The following CNTN5 variants were observed in gnomAD, a reference collection of about 807,000 sequenced individuals.
CNTN5 encodes contactin 5, also known as contactin-5.
Under a neutral mutation model 129.1 loss-of-function variants are expected in CNTN5, and 77 were observed. That is an observed-to-expected ratio of 0.60 (90% confidence interval 0.50 to 0.72). CNTN5 has a LOEUF of 0.72. CNTN5 is among the 30% of genes least tolerant of loss of function. The pLI is 0.00. For synonymous variants in CNTN5, 509 were observed against 465.6 expected, an observed-to-expected ratio of 1.09 and a Z score of -1.20; for missense variants, 1,478 against 1,328.8, an observed-to-expected ratio of 1.11 and a Z score of -1.75.
intron 7 of CNTN5, among the ~76,000 whole-genome samples, chr11:99,932,302 C>T (rs1055767742): frequency 6.6e-6 from 1 of 152,104 alleles, no homozygotes; most frequent in African/African-American, 2.4e-5. Context: ...CAGCAATTCT[C>T]CTGCCTCAGC....
intron 1 of CNTN5, among the ~76,000 whole-genome samples, chr11:99,087,304 G>T (rs1184627847): frequency 1.3e-5 from 2 of 152,004 alleles, no homozygotes; most frequent in Non-Finnish European, 1.5e-5. Flanking sequence ...GGTAGCACAT[G>T]GTTCAAAAGT....
chr11:99,109,533 T>C (rs562368310), intron 1 of CNTN5, among the ~76,000 whole-genome samples: 3 of 152,128 alleles, frequency 2.0e-5, no homozygotes, highest in African/African-American at 7.2e-5. Flanking sequence ...TTAAACCAGA[T>C]AAGCCATTAT....
chr11:100,051,303 A>G (rs971308905), intron 9 of CNTN5, among the ~76,000 whole-genome samples: 3 of 152,094 alleles, frequency 2.0e-5, no homozygotes, highest in Non-Finnish European at 4.4e-5. Context: ...TATGCTCTCT[A>G]ATTGCAACAA....
At chr11:99,223,038 G>A (rs1461687) in intron 1 of CNTN5, among the ~76,000 whole-genome samples, 73,380 of 151,822 alleles carry the variant, frequency 0.48, 17,973 homozygotes, top group African/African-American at 0.53. Context: ...TTTTCCAAAT[G>A]AGAGAGGAGT....
chr11:99,246,355 G>T (rs568119005), intron 1 of CNTN5, among the ~76,000 whole-genome samples: 1 of 152,186 alleles, frequency 6.6e-6, no homozygotes, highest in African/African-American at 2.4e-5. Flanking sequence ...GGCAATGACT[G>T]TGAGCCAGCA....
chr11:99,493,863 G>C (rs1026083611), intron 2 of CNTN5, among the ~76,000 whole-genome samples: 56 of 148,042 alleles, frequency 3.8e-4, no homozygotes, highest in African/African-American at 1.3e-3. Flanking sequence ...ATTTCTATAA[G>C]ATTTTACCAA....
chr11:99,490,740 G>A lies in CNTN5; in HGVS notation c.-70-65405G>A, dbSNP rs191007933. ...TACTGCTTCTCAGTTTATATGGGAT[G>A]GCCACCATGTGGTGAGTGAAGTGGA... On this transcript the variant is annotated intron_variant, in intron 2 of 24. Coordinates refer to ENST00000524871, the MANE Select transcript of CNTN5 (RefSeq NM_014361.4). Among the ~76,000 whole-genome samples, 3 of 152,130 alleles carry A rather than the reference G, an allele frequency of 2.0e-5. No individual in the cohort carries two copies. The East Asian group carries it at 5.8e-4, about 29-fold the overall frequency.
At chr11:100,098,805 C>T (rs774825134) in intron 13 of CNTN5, among the ~76,000 whole-genome samples, 5 of 152,080 alleles carry the variant, frequency 3.3e-5, no homozygotes, top group African/African-American at 4.8e-5. Flanking sequence ...TATCCCTCAT[C>T]ACATCTGTCA....
intron 7 of CNTN5, among the ~76,000 whole-genome samples, chr11:99,927,694 C>T (rs1396215883): frequency 6.6e-6 from 1 of 152,104 alleles, no homozygotes; most frequent in Non-Finnish European, 1.5e-5. Flanking sequence ...TACCTCTCAC[C>T]AGGTCCCTCC....
chr11:99,271,326 T>C (rs888231810), intron 1 of CNTN5, among the ~76,000 whole-genome samples: 2 of 151,884 alleles, frequency 1.3e-5, no homozygotes, highest in Admixed American at 1.3e-4. Flanking sequence ...TAATGCATAT[T>C]TTATTAATGC....
chr11:99,541,882 G>A (rs987033456), intron 2 of CNTN5, among the ~76,000 whole-genome samples: 57 of 149,630 alleles, frequency 3.8e-4, no homozygotes, highest in African/African-American at 1.3e-3. Flanking sequence ...CTAGGAGATT[G>A]GGGCTGCAGG....
intron 3 of CNTN5, among the ~76,000 whole-genome samples, chr11:99,676,638 G>T (rs1301231905): frequency 6.6e-6 from 1 of 151,972 alleles, no homozygotes. Context: ...TCATAATTTG[G>T]TAGTCGTTAA....
chr11:100,089,971 G>A (rs997348079), intron 13 of CNTN5, among the ~76,000 whole-genome samples: 2 of 152,096 alleles, frequency 1.3e-5, no homozygotes, highest in African/African-American at 4.8e-5. Context: ...TGGGTTGACA[G>A]GTGCAGCAAA....
intron 13 of CNTN5, among the ~76,000 whole-genome samples, chr11:100,109,192 T>C (rs1419915949): frequency 1.3e-5 from 2 of 151,958 alleles, no homozygotes; most frequent in Admixed American, 6.6e-5. Context: ...CTTTGGGAGG[T>C]CGAGGCGGAT....
chr11:99,310,198 C>T (rs994103152), intron 1 of CNTN5, among the ~76,000 whole-genome samples: 18 of 152,170 alleles, frequency 1.2e-4, no homozygotes, highest in Middle Eastern at 3.4e-3. Flanking sequence ...TTTATATCTA[C>T]AGAAAGACAC....
intron 1 of CNTN5, among the ~76,000 whole-genome samples, chr11:99,196,744 T>C (rs751966718): frequency 6.6e-6 from 1 of 151,970 alleles, no homozygotes. Context: ...TAATATATCA[T>C]GATGCAAGTT....
intron 4 of CNTN5, among the ~76,000 whole-genome samples, chr11:99,831,600 G>A (rs373520012): frequency 5.9e-5 from 9 of 151,780 alleles, no homozygotes; most frequent in African/African-American, 2.2e-4. Context: ...GCAGCAGACT[G>A]CCAGTGACCA....
intron 1 of CNTN5, among the ~76,000 whole-genome samples, chr11:99,246,493 G>A (rs115900957): frequency 1.3e-5 from 2 of 152,158 alleles, no homozygotes; most frequent in African/African-American, 4.8e-5. Context: ...GAATTTCAGC[G>A]CAAGTTATAC....
intron 2 of CNTN5, among the ~76,000 whole-genome samples, chr11:99,432,469 T>TCTTTC (rs1943421463): frequency 1.4e-4 from 19 of 132,320 alleles, no homozygotes; most frequent in Non-Finnish European, 1.8e-4. Flanking sequence ...TCTTTCCTTT[T>TCTTTC]CTTTTCTTTT....
Sources: gnomAD v4.1 joint callset for allele counts (sites outside exome capture counted in the v4.1 genomes callset) on GRCh38, gnomAD v4.1.1 for gene constraint, MANE v1.5 for transcripts, NCBI Gene and HGNC (gene_info 2026-07-23, HGNC 2026-07-21) for gene names.